PCDH7: variants seen among roughly 807,000 people sequenced by gnomAD.
PCDH7 encodes the protein protocadherin-7.
PCDH7 carries 17 observed loss-of-function variants against 58.9 expected under a neutral mutation model. The ratio of observed to expected loss-of-function variants is 0.29; its 90% CI spans 0.20 to 0.43. The LOEUF (loss-of-function observed/expected upper bound fraction) is 0.43, where lower values mean the gene tolerates loss of function less well. Among genes scored for constraint, PCDH7 ranks in the 20% least tolerant of loss-of-function variants. The pLI is 1.00. For synonymous variants in PCDH7, 664 were observed against 616.4 expected, an observed-to-expected ratio of 1.08 and a Z score of -1.14; for missense variants, 1,274 against 1,441.0, an observed-to-expected ratio of 0.88 and a Z score of 1.88.
downstream of PCDH7, among the ~76,000 whole-genome samples, chr4:30,735,945 T>G (rs1716188219): frequency 6.6e-6 from 1 of 152,136 alleles, no homozygotes; most frequent in Non-Finnish European, 1.5e-5. Flanking sequence ...GGCTAGAAAA[T>G]TCAGTCTAAC....
chr4:30,966,318 G>A (rs1341145365), intron 3 of PCDH7, among the ~76,000 whole-genome samples: 3 of 152,078 alleles, frequency 2.0e-5, no homozygotes. Context: ...TGGATTAAAA[G>A]CATGTTACAT....
chr4:31,122,989 A>C (rs1477402926), intron 3 of PCDH7, among the ~76,000 whole-genome samples: 1 of 152,004 alleles, frequency 6.6e-6, no homozygotes, highest in Non-Finnish European at 1.5e-5. Context: ...ACTTTTGTAC[A>C]CCTAATCTTT....
chr4:30,760,346 G>A (rs1719858175), intron 1 of PCDH7, among the ~76,000 whole-genome samples: 1 of 152,152 alleles, frequency 6.6e-6, no homozygotes, highest in Non-Finnish European at 1.5e-5. Context: ...TCCGGCACAG[G>A]GCACTTAGGC....
rs371524577 is a variant in PCDH7 at position 30,757,249 on chromosome 4, T to C, written c.70+32653T>C. ...ACCCATTCTGCTCCTTTTTCTAGGCTTCATCCTCAAATGTTCTACCTTTCA... is the reference window on the plus strand; with the variant it reads ...ACCCATTCTGCTCCTTTTTCTAGGCCTCATCCTCAAATGTTCTACCTTTCA... On this transcript the variant is annotated intron_variant, in intron 1 of 3. Transcript: ENST00000509759. 4.1e-4 allele frequency among the ~76,000 whole-genome samples: 62 copies of C among 152,330 alleles called. 1 individual carries two copies. The South Asian group carries it at 0.013, about 31-fold the overall frequency.
chr4:31,017,296 T>C (rs1036509251), intron 3 of PCDH7, among the ~76,000 whole-genome samples: 10 of 152,200 alleles, frequency 6.6e-5, no homozygotes, highest in African/African-American at 2.2e-4. Flanking sequence ...GTAATAGTTA[T>C]TCTTATTTTT....
chr4:31,005,544 T>A (rs2109143677), intron 3 of PCDH7, among the ~76,000 whole-genome samples: 1 of 152,352 alleles, frequency 6.6e-6, no homozygotes, highest in South Asian at 2.1e-4. Context: ...TTTGCCAATG[T>A]GTTCCCTCTG....
At chr4:30,832,002 GTACT>G (rs1410694231) in intron 1 of PCDH7, among the ~76,000 whole-genome samples, 2 of 152,078 alleles carry the variant, frequency 1.3e-5, no homozygotes, top group African/African-American at 4.8e-5. Context: ...ATATGAATCA[GTACT>G]TAAACGATTC....
chr4:31,011,068 C>T (rs928768182), intron 3 of PCDH7, among the ~76,000 whole-genome samples: 1 of 151,800 alleles, frequency 6.6e-6, no homozygotes, highest in Non-Finnish European at 1.5e-5. Flanking sequence ...CTGTGGGTTT[C>T]TATAATATGT....
intron 1 of PCDH7, among the ~76,000 whole-genome samples, chr4:30,743,501 G>C (rs370556980): frequency 6.6e-6 from 1 of 151,962 alleles, no homozygotes; most frequent in East Asian, 1.9e-4. Flanking sequence ...AAAACTGGGT[G>C]GGGGAGGGAC....
intron 3 of PCDH7, among the ~76,000 whole-genome samples, chr4:31,054,908 TCTATCAACC>T (rs1419406213): frequency 2.0e-5 from 3 of 152,198 alleles, no homozygotes; most frequent in African/African-American, 4.8e-5. Flanking sequence ...GTTTATGAAA[TCTATCAACC>T]TGCCATAATT....
At chr4:30,758,858 A>T (rs565783894) in intron 1 of PCDH7, among the ~76,000 whole-genome samples, 1 of 152,138 alleles carries the variant, frequency 6.6e-6, no homozygotes, top group African/African-American at 2.4e-5. Flanking sequence ...ATTTCTTAGA[A>T]ACTCTAGCAC....
chr4:30,839,777 C>G (rs937394891), intron 1 of PCDH7, among the ~76,000 whole-genome samples: 4 of 152,120 alleles, frequency 2.6e-5, no homozygotes, highest in Non-Finnish European at 5.9e-5. Context: ...TCTATATTCT[C>G]AACCCTCTTG....
intron 3 of PCDH7, among the ~76,000 whole-genome samples, chr4:30,976,319 A>G (rs369508185): frequency 1.8e-3 from 278 of 151,002 alleles, no homozygotes; most frequent in African/African-American, 6.2e-3. Flanking sequence ...TTGGACTCCC[A>G]ACCTCTGGTG....
chr4:30,866,242 G>T (rs149552117), intron 1 of PCDH7, among the ~76,000 whole-genome samples: 2 of 152,024 alleles, frequency 1.3e-5, no homozygotes, highest in African/African-American at 4.8e-5. Context: ...AATGAGGGGA[G>T]ATTTGAGAAG....
chr4:31,064,916 T>A (rs1156810509), intron 3 of PCDH7, among the ~76,000 whole-genome samples: 1 of 152,020 alleles, frequency 6.6e-6, no homozygotes, highest in Non-Finnish European at 1.5e-5. Flanking sequence ...TATTATTTCA[T>A]AGCTTATTTC....
In PCDH7 at chr4:31,089,522, T is replaced by C. The variant is rs187884642; in HGVS notation, c.*8-52951T>C. The stretch of plus-strand genomic sequence containing the variant: ...AAAGTGCTATATTAGATGCTGTATA[T>C]AAAATGCTGTATATTAGATGCTGTT... On this transcript the variant is annotated intron_variant, in intron 3 of 3. Coordinates refer to the PCDH7 transcript ENST00000509759. Among the ~76,000 whole-genome samples the C allele has an allele frequency of 1.8e-4, 28 of 152,190 alleles. No individual in the cohort carries two copies. The East Asian group carries it at 4.4e-3, about 24-fold the overall frequency.
chr4:30,731,266 T>C, exon 2 of PCDH7: 1 of 466,004 alleles, frequency 2.1e-6, no homozygotes, highest in Non-Finnish European at 2.8e-6. Flanking sequence ...TTTGTTAGAG[T>C]GAAGGATAAT....
intron 2 of PCDH7, among the ~76,000 whole-genome samples, chr4:30,925,106 T>C (rs1743681294): frequency 6.6e-6 from 1 of 152,216 alleles, no homozygotes; most frequent in Admixed American, 6.5e-5. Context: ...GCTCAACTGT[T>C]TGATTCATTC....
intron 3 of PCDH7, among the ~76,000 whole-genome samples, chr4:31,136,476 T>C (rs1719617510): frequency 6.6e-6 from 1 of 152,178 alleles, no homozygotes; most frequent in Non-Finnish European, 1.5e-5. Flanking sequence ...CCAGGAATGG[T>C]ACAGATGATG....
Sources: allele counts gnomAD v4.1 joint callset (sites outside exome capture counted in the v4.1 genomes callset), GRCh38; gene constraint gnomAD v4.1.1; transcripts MANE v1.5; gene names NCBI Gene and HGNC (gene_info 2026-07-23, HGNC 2026-07-21).